The following DNER variants were observed in gnomAD, a reference collection of about 807,000 sequenced individuals.
DNER encodes the protein delta and Notch-like epidermal growth factor-related receptor.
In DNER, 33 loss-of-function variants were observed where a neutral mutation model predicts 78.2. The observed-to-expected ratio is 0.42, with a 90% CI of 0.32 to 0.56. The LOEUF (loss-of-function observed/expected upper bound fraction) is 0.56. Ranked by LOEUF, DNER falls within the 20% of genes least tolerant of loss-of-function variation. The probability of loss-of-function intolerance (pLI) is 0.11; values close to 1 mark genes in which losing one functional copy is unlikely to be tolerated. For missense variants in DNER, 918 were observed against 975.3 expected (o/e 0.94, Z 0.78); for synonymous variants, 417 against 384.8 (o/e 1.08, Z -0.98).
At chr2:229,405,583 C>G (rs1033415437) in intron 10 of DNER, among the ~76,000 whole-genome samples, 5 of 146,718 alleles carry the variant, frequency 3.4e-5, no homozygotes, top group Non-Finnish European at 7.5e-5. Flanking sequence ...AAAACAGAAG[C>G]TATTCCTTGA....
chr2:229,380,924 A>T (rs981095924), intron 11 of DNER, among the ~76,000 whole-genome samples: 7 of 152,026 alleles, frequency 4.6e-5, no homozygotes, highest in African/African-American at 1.4e-4. Flanking sequence ...TCCATCTCAA[A>T]AAATAAAAAT....
intron 4 of DNER, among the ~76,000 whole-genome samples, chr2:229,581,611 T>C (rs974420383): frequency 2.0e-5 from 3 of 152,216 alleles, no homozygotes; most frequent in African/African-American, 7.2e-5. Flanking sequence ...ACTCTTTCTT[T>C]CTGCAAAATA....
At chr2:229,490,525 A>G (rs1695377234) in intron 6 of DNER, among the ~76,000 whole-genome samples, 1 of 152,154 alleles carries the variant, frequency 6.6e-6, no homozygotes, top group South Asian at 2.1e-4. Flanking sequence ...GTCCAGAATA[A>G]ATAAATCTAT....
intron 1 of DNER, among the ~76,000 whole-genome samples, chr2:229,617,309 C>T (rs991356343): frequency 2.6e-5 from 4 of 152,128 alleles, no homozygotes; most frequent in Non-Finnish European, 4.4e-5. Context: ...TTGTGTGGAG[C>T]TATTTTAAAT....
chr2:229,511,449 G>A (rs1237383364), intron 6 of DNER, among the ~76,000 whole-genome samples: 1 of 152,158 alleles, frequency 6.6e-6, no homozygotes, highest in Non-Finnish European at 1.5e-5. Flanking sequence ...GAAGTCTACA[G>A]CAACACTGTC....
At chr2:229,386,533 C>A (rs941358007) in intron 11 of DNER, among the ~76,000 whole-genome samples, 14 of 151,872 alleles carry the variant, frequency 9.2e-5, no homozygotes, top group African/African-American at 3.4e-4. Context: ...AGTGAACAGA[C>A]AACCTACAGA....
chr2:229,486,192 G>A (rs927465768), intron 6 of DNER, among the ~76,000 whole-genome samples: 4 of 152,098 alleles, frequency 2.6e-5, no homozygotes, highest in African/African-American at 7.2e-5. Context: ...TTTTAAAGTC[G>A]GAAGGCAGAC....
At chr2:229,610,579 A>T (rs1404674350) in intron 1 of DNER, among the ~76,000 whole-genome samples, 1 of 152,200 alleles carries the variant, frequency 6.6e-6, no homozygotes, top group Non-Finnish European at 1.5e-5. Context: ...AAGATCAGTC[A>T]CCAGGACTGG....
At chr2:229,486,436 A>G (rs963397026) in intron 6 of DNER, among the ~76,000 whole-genome samples, 1 of 152,210 alleles carries the variant, frequency 6.6e-6, no homozygotes, top group African/African-American at 2.4e-5. Context: ...TGGGGAAAAA[A>G]GTAACCACAT....
At chr2:229,503,836 G>C (rs1216978091) in intron 6 of DNER, among the ~76,000 whole-genome samples, 1 of 152,140 alleles carries the variant, frequency 6.6e-6, no homozygotes, top group East Asian at 1.9e-4. Flanking sequence ...CTGCCTCCTG[G>C]GTTCAAGTGA....
At chr2:229,421,651 A>AGG (rs1693767688) in intron 8 of DNER, among the ~76,000 whole-genome samples, 1 of 98,864 alleles carries the variant, frequency 1.0e-5, no homozygotes, top group African/African-American at 3.7e-5. Context: ...ATATAGAGAG[A>AGG]GAGAGAGAGA....
chr2:229,495,454 T>TA (rs981828191), intron 6 of DNER, among the ~76,000 whole-genome samples: 6 of 152,224 alleles, frequency 3.9e-5, no homozygotes, highest in African/African-American at 1.4e-4. Flanking sequence ...AGAGATGGTG[T>TA]AAGTTCCCGT....
intron 12 of DNER, among the ~76,000 whole-genome samples, chr2:229,360,515 C>A (rs1692187945): frequency 6.6e-6 from 1 of 152,184 alleles, no homozygotes; most frequent in South Asian, 2.1e-4. Flanking sequence ...TATGTTCGTG[C>A]CATTCTCCTG....
At chr2:229,405,423 A>G (rs1693358764) in intron 10 of DNER, among the ~76,000 whole-genome samples, 1 of 152,174 alleles carries the variant, frequency 6.6e-6, no homozygotes, top group African/African-American at 2.4e-5. Flanking sequence ...AAATAATAAG[A>G]TAAGTACACA....
At chr2:229,584,374 A>G (rs1697458605) in intron 4 of DNER, among the ~76,000 whole-genome samples, 1 of 152,202 alleles carries the variant, frequency 6.6e-6, no homozygotes, top group African/African-American at 2.4e-5. Flanking sequence ...TTGGACTGGG[A>G]TGGGTAGATT....
chr2:229,511,292 A>T (rs1695859647), intron 6 of DNER, among the ~76,000 whole-genome samples: 1 of 152,212 alleles, frequency 6.6e-6, no homozygotes, highest in Non-Finnish European at 1.5e-5. Flanking sequence ...ATTTTATAAC[A>T]AAATAAGAAC....
At chr2:229,434,501 TAAATAAATCAG>T (rs1419506917) in intron 8 of DNER, among the ~76,000 whole-genome samples, 1 of 152,174 alleles carries the variant, frequency 6.6e-6, no homozygotes, top group Non-Finnish European at 1.5e-5. Context: ...TTTCAAAATG[TAAATAAATCAG>T]AAATGACAAC....
In DNER at chr2:229,358,840, C is replaced by T. The variant is rs4972895; in HGVS notation, c.2103-189G>A. Among the ~76,000 whole-genome samples the T allele has an allele frequency of 3.8e-3, 584 of 152,166 alleles. 3 individuals carry two copies. The highest frequency in any genetic ancestry group is 0.013 in the African/African-American group (552 of 41,512). On this transcript the variant is annotated intron_variant, in intron 12 of 12. Coordinates refer to ENST00000341772, the MANE Select transcript of DNER (RefSeq NM_139072.4). ...TGTATAAACATTAGTCTTTGGTGTT[C>T]GAGGCAAAAAAACATATTTCACAAA...
At chr2:229,489,814 G>T (rs185661048) in intron 6 of DNER, among the ~76,000 whole-genome samples, 8 of 152,270 alleles carry the variant, frequency 5.3e-5, no homozygotes, top group Non-Finnish European at 8.8e-5. Context: ...ATCAACTTCA[G>T]CAGGATAAGG....
Sources: allele counts gnomAD v4.1 joint callset (sites outside exome capture counted in the v4.1 genomes callset), GRCh38; gene constraint gnomAD v4.1.1; transcripts MANE v1.5; gene names NCBI Gene and HGNC (gene_info 2026-07-23, HGNC 2026-07-21).